The following THSD4 variants were observed in gnomAD, a reference collection of about 807,000 sequenced individuals.
THSD4 encodes the protein thrombospondin type 1 domain containing 4.
In THSD4, 69 loss-of-function variants were observed where a neutral mutation model predicts 119.0. The ratio of observed to expected loss-of-function variants is 0.58; its 90% CI spans 0.48 to 0.71. The LOEUF (loss-of-function observed/expected upper bound fraction) is 0.71. Ranked by LOEUF, THSD4 falls within the 30% of genes least tolerant of loss-of-function variation. THSD4 has a pLI of 0.00. For synonymous variants in THSD4, 524 were observed against 540.4 expected (o/e 0.97, Z 0.42); for missense variants, 1,393 against 1,391.1 (o/e 1.00, Z -0.02).
intron 6 of THSD4, among the ~76,000 whole-genome samples, chr15:71,306,356 T>C (rs2045030059): frequency 6.6e-6 from 1 of 151,338 alleles, no homozygotes; most frequent in Non-Finnish European, 1.5e-5. Context: ...GTATTATATA[T>C]TTTTTGATGC....
At chr15:71,406,643 G>GGTGT (rs56347233) in intron 6 of THSD4, among the ~76,000 whole-genome samples, 2,279 of 126,174 alleles carry the variant, frequency 0.018, 27 homozygotes, top group Middle Eastern at 0.028. Flanking sequence ...AGGTTTGTTT[G>GGTGT]GTGTGTGTGT....
At chr15:71,145,050 G>T (rs894961204) in intron 2 of THSD4, among the ~76,000 whole-genome samples, 2 of 149,152 alleles carry the variant, frequency 1.3e-5, no homozygotes, top group South Asian at 2.1e-4. Flanking sequence ...TTATTTGTTT[G>T]TTCAGTGAGT....
At chr15:71,485,400 C>T (rs1387834413) in intron 7 of THSD4, among the ~76,000 whole-genome samples, 1 of 152,170 alleles carries the variant, frequency 6.6e-6, no homozygotes, top group African/African-American at 2.4e-5. Flanking sequence ...ATTTATTTTC[C>T]TTTCTGGGTA....
Position 71,757,804 on chromosome 15 carries a change from A to C in THSD4, c.2416-98A>C, listed in dbSNP as rs1371292050. On this transcript the variant is annotated intron_variant, in intron 14 of 17. Transcript: ENST00000261862. ...GATATTTCTAGGGGAAACAGACGGCAGGAAAATGAAGCATTCCATCCTCCT... is the reference window on the plus strand; with the variant it reads ...GATATTTCTAGGGGAAACAGACGGCCGGAAAATGAAGCATTCCATCCTCCT... The C allele has an allele frequency of 2.0e-6, 3 of 1,492,298 alleles. No homozygotes were observed. The Admixed American group carries it at 5.7e-5, about 28-fold the overall frequency. 92.4% of individuals were successfully genotyped at this position (1,492,298 alleles called of 1,614,324 possible).
intron 6 of THSD4, among the ~76,000 whole-genome samples, chr15:71,273,147 C>G (rs1198012243): frequency 1.3e-5 from 2 of 152,146 alleles, no homozygotes; most frequent in Non-Finnish European, 2.9e-5. Flanking sequence ...AACCTAAGTG[C>G]CTATCGACAG....
At chr15:71,259,955 C>T (rs907111442) in intron 6 of THSD4, among the ~76,000 whole-genome samples, 1 of 152,170 alleles carries the variant, frequency 6.6e-6, no homozygotes, top group Non-Finnish European at 1.5e-5. Flanking sequence ...ATTGTGATTA[C>T]CTGGGGGGAA....
chr15:71,716,084 A>G (rs1033648798), intron 8 of THSD4, among the ~76,000 whole-genome samples: 1 of 152,206 alleles, frequency 6.6e-6, no homozygotes, highest in Admixed American at 6.5e-5. Flanking sequence ...GCTTAGAGCA[A>G]GAATCTGTTC....
chr15:71,153,479 A>G (rs546331659), intron 2 of THSD4, among the ~76,000 whole-genome samples: 20 of 152,284 alleles, frequency 1.3e-4, no homozygotes, highest in African/African-American at 4.8e-4. Flanking sequence ...GCAACACCAT[A>G]TTACAGAGAC....
rs550666750 is a variant in THSD4 at position 71,306,024 on chromosome 15, C to T, written c.1015+49309C>T. ...AGCTTAAAGGCATTAAGATGAGAGA[C>T]GGGCCAGGCGCAGTGGTTCATGTCT... On this transcript the variant is annotated intron_variant, in intron 6 of 17. Coordinates refer to ENST00000261862, the MANE Select transcript of THSD4 (RefSeq NM_024817.3). 1.8e-4 allele frequency among the ~76,000 whole-genome samples: 27 copies of T among 152,182 alleles called. No homozygotes were observed. In the South Asian group the frequency reaches 2.1e-3, roughly 12 times the overall value.
intron 8 of THSD4, among the ~76,000 whole-genome samples, chr15:71,676,267 T>A (rs1420080732): frequency 6.6e-6 from 1 of 152,226 alleles, no homozygotes; most frequent in Non-Finnish European, 1.5e-5. Flanking sequence ...CATTCACTGC[T>A]ATCACCACGA....
At chr15:71,466,389 C>T (rs1284045412) in intron 7 of THSD4, among the ~76,000 whole-genome samples, 3 of 151,418 alleles carry the variant, frequency 2.0e-5, no homozygotes, top group Non-Finnish European at 4.4e-5. Flanking sequence ...GAAGCTGTAA[C>T]AGAGAAAAAG....
At chr15:71,158,848 A>G (rs1230524783) in intron 3 of THSD4, among the ~76,000 whole-genome samples, 3 of 152,048 alleles carry the variant, frequency 2.0e-5, no homozygotes, top group Non-Finnish European at 2.9e-5. Flanking sequence ...CCATTTGTTT[A>G]TCTTTGCTTT....
intron 7 of THSD4, among the ~76,000 whole-genome samples, chr15:71,617,694 T>G (rs1169119160): frequency 6.6e-6 from 1 of 152,196 alleles, no homozygotes; most frequent in South Asian, 2.1e-4. Context: ...CCTAGGGGCC[T>G]GGAACAAAAT....
intron 17 of THSD4, among the ~76,000 whole-genome samples, chr15:71,775,081 G>T (rs1456626744): frequency 6.6e-6 from 1 of 152,060 alleles, no homozygotes; most frequent in East Asian, 1.9e-4. Context: ...GGGAGGCGGA[G>T]GTTGCGGTGA....
intron 6 of THSD4, among the ~76,000 whole-genome samples, chr15:71,289,777 C>G (rs1192629762): frequency 1.3e-5 from 2 of 152,150 alleles, no homozygotes; most frequent in African/African-American, 4.8e-5. Flanking sequence ...GGGCTTATTC[C>G]TTTCCTTTAT....
chr15:71,341,637 A>T (rs1329059121), intron 6 of THSD4: 1 of 1,560,940 alleles, frequency 6.4e-7, no homozygotes, highest in Admixed American at 1.7e-5. Context: ...GTGTTCTTAA[A>T]GTGAACACGA....
At chr15:71,720,462 G>T (rs922188418) in intron 8 of THSD4, among the ~76,000 whole-genome samples, 1 of 152,208 alleles carries the variant, frequency 6.6e-6, no homozygotes, top group African/African-American at 2.4e-5. Context: ...AGTAACTTCT[G>T]TAAAGTCCCA....
rs183029872 is a variant in THSD4 at position 71,222,150 on chromosome 15, G to A, written c.464+6751G>A. Among the ~76,000 whole-genome samples, 7 of 152,290 alleles carry A rather than the reference G, an allele frequency of 4.6e-5. No homozygotes were observed. The East Asian group carries it at 1.4e-3, about 29-fold the overall frequency. ...ATTCCCAAAATGTCTGGGGAAAATG[G>A]CATCCAGAAAGACTCCCTGTGGCCC... On this transcript the variant is annotated intron_variant, in intron 4 of 17. Coordinates refer to ENST00000261862, the MANE Select transcript of THSD4 (RefSeq NM_024817.3).
chr15:71,620,745 G>A (rs1196922062), intron 7 of THSD4, among the ~76,000 whole-genome samples: 1 of 152,164 alleles, frequency 6.6e-6, no homozygotes, highest in Non-Finnish European at 1.5e-5. Context: ...CATATCTGAT[G>A]CCATCCTTCC....
Sources: gnomAD v4.1 joint callset for allele counts (sites outside exome capture counted in the v4.1 genomes callset) on GRCh38, gnomAD v4.1.1 for gene constraint, MANE v1.5 for transcripts, NCBI Gene and HGNC (gene_info 2026-07-23, HGNC 2026-07-21) for gene names.